GRIP2: variants seen among roughly 807,000 people sequenced by gnomAD.
The protein encoded by GRIP2 is glutamate receptor interacting protein 2.
Under a neutral mutation model 108.3 loss-of-function variants are expected in GRIP2, and 58 were observed. The ratio of observed to expected loss-of-function variants is 0.54; its 90% CI spans 0.43 to 0.67. The LOEUF is 0.67. Ranked by LOEUF, GRIP2 falls within the 30% of genes least tolerant of loss-of-function variation. GRIP2 has a pLI of 0.00. For synonymous variants in GRIP2, 586 were observed against 598.2 expected, an observed-to-expected ratio of 0.98 and a Z score of 0.30; for missense variants, 1,278 against 1,430.6, an observed-to-expected ratio of 0.89 and a Z score of 1.72.
chr3:14,577,064 T>C, the GRIP2 span, among the ~76,000 whole-genome samples: 10 of 152,370 alleles, frequency 6.6e-5, no homozygotes, highest in Non-Finnish European at 1.5e-5. Flanking sequence ...GTGGAGTTCC[T>C]TTTTTGCACA....
upstream of GRIP2, among the ~76,000 whole-genome samples, chr3:14,541,608 G>A (rs946116467): frequency 1.1e-4 from 16 of 152,180 alleles, no homozygotes; most frequent in African/African-American, 3.9e-4. Flanking sequence ...TTCTAAATCT[G>A]GGGCAGGGCT....
At chr3:14,574,753 C>T in the GRIP2 span, 8 of 415,056 alleles carry the variant, frequency 1.9e-5, no homozygotes, top group Non-Finnish European at 2.7e-5. Flanking sequence ...ATCAGTGCTG[C>T]GGCTGCATGG....
chr3:14,570,591 T>C, the GRIP2 span, among the ~76,000 whole-genome samples: 1 of 152,276 alleles, frequency 6.6e-6, no homozygotes, highest in Non-Finnish European at 1.5e-5. Flanking sequence ...TACAGCAATT[T>C]CACACATTGC....
chr3:14,586,676 T>C, the GRIP2 span, among the ~76,000 whole-genome samples: 1 of 152,108 alleles, frequency 6.6e-6, no homozygotes, highest in East Asian at 1.9e-4. Flanking sequence ...GTGTAAGAAA[T>C]AACATCTGCG....
the GRIP2 span, among the ~76,000 whole-genome samples, chr3:14,598,520 C>G: frequency 6.6e-6 from 1 of 152,084 alleles, no homozygotes; most frequent in Non-Finnish European, 1.5e-5. Context: ...AGCTTTCTCA[C>G]CTCCACCCCC....
chr3:14,578,526 G>A, the GRIP2 span, among the ~76,000 whole-genome samples: 1 of 152,090 alleles, frequency 6.6e-6, no homozygotes, highest in African/African-American at 2.4e-5. Context: ...AGACCAGCCT[G>A]GCCAACATGG....
At chr3:14,534,973 C>T (rs1035716695) in intron 1 of GRIP2, among the ~76,000 whole-genome samples, 25 of 152,240 alleles carry the variant, frequency 1.6e-4, no homozygotes, top group Admixed American at 1.4e-3. Context: ...CCGGCTTTGA[C>T]TGCTGCCCTG....
upstream of GRIP2, chr3:14,542,138 C>G: frequency 9.0e-7 from 1 of 1,105,904 alleles, no homozygotes; most frequent in Non-Finnish European, 1.2e-6. Context: ...TTCTCTTTCT[C>G]TCTTTTTATT....
chr3:14,563,545 G>A, the GRIP2 span, among the ~76,000 whole-genome samples: 1 of 152,054 alleles, frequency 6.6e-6, no homozygotes, highest in Non-Finnish European at 1.5e-5. Context: ...GCAATGCAGG[G>A]TCTCCTGAGG....
the GRIP2 span, among the ~76,000 whole-genome samples, chr3:14,586,632 C>A: frequency 6.6e-6 from 1 of 152,198 alleles, no homozygotes; most frequent in African/African-American, 2.4e-5. Context: ...AATAGCCATA[C>A]TCCAGGAGAT....
intron 19 of GRIP2, among the ~76,000 whole-genome samples, chr3:14,506,314 A>G (rs1395026866): frequency 6.6e-6 from 1 of 151,974 alleles, no homozygotes; most frequent in Admixed American, 6.5e-5. Flanking sequence ...CCAGACTCAG[A>G]CGTCTCCCTG....
chr3:14,513,874 G>A (rs1382379321), intron 12 of GRIP2, 64 bp from the exon 13 acceptor site: 35 of 1,568,404 alleles, frequency 2.2e-5, no homozygotes, highest in Non-Finnish European at 2.9e-5. Context: ...AGACAAGAAC[G>A]CCATGCAGGG....
Position 14,517,912 on chromosome 3 carries a change from G to T in GRIP2, c.1031-15C>A. On this transcript the variant is annotated splice_polypyrimidine_tract_variant and intron_variant, in intron 9 of 23. Coordinates refer to ENST00000621039, the MANE Select transcript of GRIP2 (RefSeq NM_001080423.4). ...CTGCACTTTCACTGTAGCCAGCGGA[G>T]AAAGAGGAAAGAGAGGTGCAGGCGT... is the stretch of plus-strand genomic sequence containing the variant. The T allele has an allele frequency of 6.5e-7, 1 of 1,528,506 alleles. No homozygotes were observed. The highest frequency in any genetic ancestry group is 8.8e-7 in the Non-Finnish European group (1 of 1,136,222). 94.7% of individuals were successfully genotyped at this position (1,528,506 alleles called of 1,614,324 possible).
intron 9 of GRIP2, among the ~76,000 whole-genome samples, chr3:14,518,341 G>A (rs1185036799): frequency 1.3e-5 from 2 of 152,212 alleles, no homozygotes; most frequent in Non-Finnish European, 2.9e-5. Flanking sequence ...GCCAGTGGCT[G>A]AGCACCGGGG....
chr3:14,599,685 C>CTGTGTGTGTGTG, the GRIP2 span, among the ~76,000 whole-genome samples: 1 of 127,464 alleles, frequency 7.8e-6, no homozygotes, highest in African/African-American at 2.9e-5. Context: ...CTCTCTCTCT[C>CTGTGTGTGTGTG]TGTGTGTGTG....
the GRIP2 span, among the ~76,000 whole-genome samples, chr3:14,579,127 A>G: frequency 1.3e-5 from 2 of 152,206 alleles, no homozygotes; most frequent in African/African-American, 4.8e-5. Context: ...CGGAAGAACA[A>G]GGCACTGACA....
At chr3:14,578,001 C>A in the GRIP2 span, among the ~76,000 whole-genome samples, 1 of 152,220 alleles carries the variant, frequency 6.6e-6, no homozygotes, top group Admixed American at 6.5e-5. Context: ...CCTGGCTCAG[C>A]CTTCAGGCTG....
Position 14,512,667 on chromosome 3 carries a change from G to A in GRIP2, c.1720+110C>T. The A allele has an allele frequency of 1.9e-6, 2 of 1,033,228 alleles. No individual in the cohort carries two copies. Among genetic ancestry groups the A allele is most frequent in the Non-Finnish European group, 2.9e-6 (2 of 696,556 alleles). The allele number at this position is 1,033,228 out of a possible 1,614,324, so 64.0% of individuals were successfully genotyped here. On this transcript the variant is annotated intron_variant, in intron 14 of 23. Transcript: ENST00000621039. The surrounding 1 kb of genome is among the most constrained non-coding windows in gnomAD (Gnocchi z 5.1). Reference sequence around the variant, plus strand: ...CCCACACCCCCAAGCCTTTTCCTCGGGCCCCGCAGGGTGTCACGCCATGGA... The same window carrying A: ...CCCACACCCCCAAGCCTTTTCCTCGAGCCCCGCAGGGTGTCACGCCATGGA...
chr3:14,573,841 C>T, the GRIP2 span: 1 of 1,450,250 alleles, frequency 6.9e-7, no homozygotes, highest in Non-Finnish European at 9.7e-7. Context: ...GGTCACTTCA[C>T]CCACATTGCC....
Sources: gnomAD v4.1 joint callset for allele counts (sites outside exome capture counted in the v4.1 genomes callset) on GRCh38, gnomAD v4.1.1 for gene constraint, Gnocchi (gnomAD v3.1) non-coding constraint, MANE v1.5 for transcripts, NCBI Gene and HGNC (gene_info 2026-07-23, HGNC 2026-07-21) for gene names.